The following CATSPERB variants were observed in gnomAD, a reference collection of about 807,000 sequenced individuals.
CATSPERB encodes the protein cation channel sperm-associated auxiliary subunit beta.
Under a neutral mutation model 128.3 loss-of-function variants are expected in CATSPERB, and 93 were observed. The ratio of observed to expected loss-of-function variants is 0.72; its 90% CI spans 0.61 to 0.86. The LOEUF (loss-of-function observed/expected upper bound fraction) is 0.86. Ranked by LOEUF, CATSPERB falls within the 40% of genes least tolerant of loss-of-function variation. The probability of loss-of-function intolerance (pLI) is 0.00; values close to 1 mark genes in which losing one functional copy is unlikely to be tolerated. For missense variants in CATSPERB, 1,153 were observed against 1,329.5 expected (o/e 0.87, Z 2.06); for synonymous variants, 381 against 448.8 (o/e 0.85, Z 1.91).
At chr14:91,688,136 CT>C (rs1363188673) in intron 10 of CATSPERB, among the ~76,000 whole-genome samples, 1 of 151,884 alleles carries the variant, frequency 6.6e-6, no homozygotes, top group African/African-American at 2.4e-5. Context: ...TATTAAAGTT[CT>C]TTCTTGAGTA....
intron 5 of CATSPERB, among the ~76,000 whole-genome samples, chr14:91,710,975 T>A (rs1000358550): frequency 1.3e-5 from 2 of 152,218 alleles, no homozygotes; most frequent in Non-Finnish European, 2.9e-5. Flanking sequence ...CTGAACTTTC[T>A]TCCCATTCTG....
intron 13 of CATSPERB, among the ~76,000 whole-genome samples, chr14:91,672,409 G>A (rs949173670): frequency 1.1e-4 from 17 of 152,102 alleles, no homozygotes; most frequent in African/African-American, 3.9e-4. Context: ...AGCCTCCCGA[G>A]TTGCTGGGAT....
rs776713853 is a variant in CATSPERB at position 91,617,631 on chromosome 14, A to G, written c.2366T>C (p.Ile789Thr). The G allele has an allele frequency of 4.4e-6, 7 of 1,587,612 alleles. No homozygotes were observed. The highest frequency in any genetic ancestry group is 6.0e-6 in the Non-Finnish European group (7 of 1,172,714). The change falls in exon 20 of 27, where the codon ATA (isoleucine) becomes ACA (threonine). Residue 789 changes from isoleucine (I) to threonine (T), a missense_variant. Coordinates refer to ENST00000256343, the MANE Select transcript of CATSPERB (RefSeq NM_024764.4). ...VTFDDTDSYV[I>T]TISAASKVLH... The stretch of plus-strand genomic sequence containing the variant: ...AACTTTGCTAGCTGCAGAAATTGTT[A>G]TTACATAACTGTCAGTATCATCAAA...
intron 15 of CATSPERB, among the ~76,000 whole-genome samples, chr14:91,658,472 T>C (rs1894822822): frequency 6.6e-6 from 1 of 151,760 alleles, no homozygotes; most frequent in Non-Finnish European, 1.5e-5. Flanking sequence ...TAAGATCTAG[T>C]ATTTGACAGC....
chr14:91,626,702 G>T (rs1894171657), intron 17 of CATSPERB, among the ~76,000 whole-genome samples: 1 of 152,010 alleles, frequency 6.6e-6, no homozygotes, highest in Non-Finnish European at 1.5e-5. Context: ...CCAGATGTGG[G>T]CCCCCCAGTC....
At chr14:91,702,760 G>T (rs1384860398) in intron 7 of CATSPERB, among the ~76,000 whole-genome samples, 2 of 151,002 alleles carry the variant, frequency 1.3e-5, no homozygotes, top group Non-Finnish European at 2.9e-5. Flanking sequence ...TGATAAATTT[G>T]TAATACATTT....
At chr14:91,586,563 G>GAGAA (rs1555358768) in intron 26 of CATSPERB, among the ~76,000 whole-genome samples, 16 of 46,712 alleles carry the variant, frequency 3.4e-4, no homozygotes, top group East Asian at 3.2e-3. Flanking sequence ...GAGAGAGAGA[G>GAGAA]AGAGAGAAAG....
intron 22 of CATSPERB, among the ~76,000 whole-genome samples, chr14:91,606,087 A>G (rs2139772713): frequency 6.7e-6 from 1 of 150,232 alleles, no homozygotes; most frequent in Non-Finnish European, 1.5e-5. Context: ...GAGGCAGGAG[A>G]ATCGCTTGAA....
At chr14:91,664,134 G>A (rs770020459) in intron 14 of CATSPERB, among the ~76,000 whole-genome samples, 96 of 152,056 alleles carry the variant, frequency 6.3e-4, no homozygotes, top group Non-Finnish European at 1.3e-3. Flanking sequence ...TGGCAACCAC[G>A]GATCTTCTTG....
At chr14:91,721,406 T>C (rs980933706) in intron 4 of CATSPERB, among the ~76,000 whole-genome samples, 13 of 152,182 alleles carry the variant, frequency 8.5e-5, no homozygotes, top group African/African-American at 1.2e-4. Flanking sequence ...AAAATGGGCA[T>C]ATAATTTGAA....
At chr14:91,714,398 T>C (rs1423682291) in intron 5 of CATSPERB, among the ~76,000 whole-genome samples, 3 of 151,724 alleles carry the variant, frequency 2.0e-5, no homozygotes, top group East Asian at 3.9e-4. Flanking sequence ...AAAGAATATA[T>C]TAAAAGCTAT....
At chr14:91,712,186 T>C (rs1186629603) in intron 5 of CATSPERB, among the ~76,000 whole-genome samples, 3 of 152,292 alleles carry the variant, frequency 2.0e-5, no homozygotes, top group South Asian at 2.1e-4. Context: ...ACTAGGACTT[T>C]AGGCAAAACA....
At chr14:91,626,579 T>G (rs1045677373) in intron 17 of CATSPERB, among the ~76,000 whole-genome samples, 4 of 151,984 alleles carry the variant, frequency 2.6e-5, no homozygotes, top group Non-Finnish European at 4.4e-5. Flanking sequence ...ATTCAGTCCC[T>G]TCCCTCCCCC....
At chr14:91,595,687 T>G (rs1057327329) in intron 22 of CATSPERB, among the ~76,000 whole-genome samples, 5 of 152,214 alleles carry the variant, frequency 3.3e-5, no homozygotes, top group African/African-American at 1.2e-4. Context: ...ATTGGCTCCA[T>G]AAGTCAAGTT....
intron 5 of CATSPERB, among the ~76,000 whole-genome samples, chr14:91,716,429 T>C (rs1411211921): frequency 2.0e-5 from 3 of 152,008 alleles, no homozygotes; most frequent in Admixed American, 2.0e-4. Context: ...ATACAAAAAA[T>C]TAGCCGGGCC....
rs145412226 is a variant in CATSPERB at position 91,612,293 on chromosome 14, A to T, written c.2401-1616T>A. On this transcript the variant is annotated intron_variant, in intron 20 of 26. Transcript: ENST00000256343. The stretch of plus-strand genomic sequence containing the variant: ...TACTCTATTATTAACTATATTCACC[A>T]TGCTGTGCAAATAACTAAAAAAATT... 2.5e-3 allele frequency among the ~76,000 whole-genome samples: 383 copies of T among 152,190 alleles called. 3 individuals carry two copies. Among genetic ancestry groups the T allele is most frequent in the African/African-American group, 8.8e-3 (367 of 41,508 alleles).
rs752035818 is a variant in CATSPERB at position 91,693,170 on chromosome 14, A to G, written c.787T>C (p.Phe263Leu). The G allele has an allele frequency of 1.0e-4, 162 of 1,613,834 alleles. No homozygotes were observed. The highest frequency in any genetic ancestry group is 1.3e-4 in the Non-Finnish European group (149 of 1,179,910). Residue 263 changes from phenylalanine to leucine, a missense_variant, in exon 9 of 27, where the codon TTT becomes CTT. By Grantham distance (22) the Phe-to-Leu change is conservative. Transcript: ENST00000256343. ...FLVILTSLGL[F>L]VSEDLRYPSR... Reference sequence around the variant, plus strand: ...GGATAACGAAGATCTTCACTTACAAAAAGGCCCAAAGAGGTGAGGATAACT... The same window carrying G: ...GGATAACGAAGATCTTCACTTACAAGAAGGCCCAAAGAGGTGAGGATAACT...
intron 5 of CATSPERB, among the ~76,000 whole-genome samples, chr14:91,717,503 G>T (rs1895962616): frequency 6.6e-6 from 1 of 152,062 alleles, no homozygotes; most frequent in Admixed American, 6.6e-5. Context: ...CAACTCCATA[G>T]GCCTCAGTTA....
At chr14:91,691,227 T>C (rs545670059) in intron 10 of CATSPERB, among the ~76,000 whole-genome samples, 10 of 152,246 alleles carry the variant, frequency 6.6e-5, no homozygotes, top group African/African-American at 1.9e-4. Flanking sequence ...TGAACAACCA[T>C]AGCTAGCCTG....
Sources: allele counts gnomAD v4.1 joint callset (sites outside exome capture counted in the v4.1 genomes callset), GRCh38; gene constraint gnomAD v4.1.1; transcripts MANE v1.5; gene names NCBI Gene and HGNC (gene_info 2026-07-23, HGNC 2026-07-21).